Variants in TAFA4 observed in about 807,000 individuals in gnomAD.
TAFA4 encodes chemokine-like protein TAFA-4.
Under a neutral mutation model 21.1 loss-of-function variants are expected in TAFA4, and 20 were observed. The ratio of observed to expected loss-of-function variants is 0.95; its 90% CI spans 0.67 to 1.38. The LOEUF (loss-of-function observed/expected upper bound fraction) is 1.38. Ranked by LOEUF, TAFA4 falls within the 40% of genes most tolerant of loss-of-function variation. TAFA4 has a pLI of 0.00. For missense variants in TAFA4, 211 were observed against 180.9 expected (o/e 1.17, Z -0.95); for synonymous variants, 71 against 67.4 (o/e 1.05, Z -0.26).
At chr3:68,809,086 A>G (rs992513954) in intron 3 of TAFA4, among the ~76,000 whole-genome samples, 1 of 152,230 alleles carries the variant, frequency 6.6e-6, no homozygotes, top group African/African-American at 2.4e-5. Flanking sequence ...TTTTCAAATA[A>G]AATTAAAATC....
At chr3:68,789,681 A>C (rs1228708495) in intron 3 of TAFA4, among the ~76,000 whole-genome samples, 1 of 138,436 alleles carries the variant, frequency 7.2e-6, no homozygotes, top group Non-Finnish European at 1.7e-5. Context: ...CATGATGCTC[A>C]AGAGGGCAAA....
chr3:68,832,169 G>A (rs779389901), intron 3 of TAFA4, among the ~76,000 whole-genome samples: 2 of 152,120 alleles, frequency 1.3e-5, no homozygotes, highest in Non-Finnish European at 2.9e-5. Flanking sequence ...ACCTTCTGAA[G>A]CCTACTTCTG....
In TAFA4 at chr3:68,789,256, C is replaced by A. The variant is rs567896547; in HGVS notation, c.131-36238G>T. ...AAAAAAAAAAAAAAAAATCTTTAATCCATTTGGAGTTGAGTTGATTTTTGT... is the reference window on the plus strand; with the variant it reads ...AAAAAAAAAAAAAAAAATCTTTAATACATTTGGAGTTGAGTTGATTTTTGT... On this transcript the variant is annotated intron_variant, in intron 3 of 5. Transcript: ENST00000295569. 2.0e-5 allele frequency among the ~76,000 whole-genome samples: 3 copies of A among 151,862 alleles called. No individual in the cohort carries two copies. In the East Asian group the frequency reaches 5.8e-4, roughly 30 times the overall value.
intron 1 of TAFA4, among the ~76,000 whole-genome samples, chr3:68,930,876 A>G (rs1341137028): frequency 6.6e-6 from 1 of 152,236 alleles, no homozygotes; most frequent in East Asian, 1.9e-4. Context: ...GAGTGGTAAC[A>G]CTAATTATAT....
intron 1 of TAFA4, among the ~76,000 whole-genome samples, chr3:68,908,854 T>C (rs1347270140): frequency 6.6e-6 from 1 of 152,206 alleles, no homozygotes; most frequent in Non-Finnish European, 1.5e-5. Context: ...TTCAGTTCCA[T>C]TTAATAAGCA....
chr3:68,772,227 GTATTAAGTTCAAATAAAA>G (rs1257952647), intron 3 of TAFA4, among the ~76,000 whole-genome samples: 1 of 152,156 alleles, frequency 6.6e-6, no homozygotes, highest in East Asian at 1.9e-4. Flanking sequence ...TCATTTATGG[GTATTAAGTTCAAATAAAA>G]TATTAAGGCA....
Position 68,845,777 on chromosome 3 carries a change from A to G in TAFA4, c.130+34953T>C, listed in dbSNP as rs1704775359. ...GGATTTCATTTCTCCTTCACTTATG[A>G]AGCTTAGTTTGGCTGGATGTGAAAT... On this transcript the variant is annotated intron_variant, in intron 3 of 5. Coordinates refer to ENST00000295569, the MANE Select transcript of TAFA4 (RefSeq NM_182522.5). Among the ~76,000 whole-genome samples the G allele has an allele frequency of 2.0e-5, 3 of 152,272 alleles. 1 individual carries two copies. The South Asian group carries it at 6.2e-4, about 32-fold the overall frequency.
intron 3 of TAFA4, among the ~76,000 whole-genome samples, chr3:68,767,965 C>T (rs1702887212): frequency 2.0e-5 from 3 of 151,656 alleles, no homozygotes; most frequent in Admixed American, 2.0e-4. Flanking sequence ...AAAATCAAAT[C>T]TTTATTTGCT....
intron 1 of TAFA4, among the ~76,000 whole-genome samples, chr3:68,928,752 G>A (rs2090132630): frequency 6.6e-6 from 1 of 152,086 alleles, no homozygotes; most frequent in Non-Finnish European, 1.5e-5. Context: ...GCCAAGGGAA[G>A]GGGTCCCACC....
At chr3:68,823,588 T>A (rs1174838498) in intron 3 of TAFA4, among the ~76,000 whole-genome samples, 1 of 152,150 alleles carries the variant, frequency 6.6e-6, no homozygotes, top group Non-Finnish European at 1.5e-5. Context: ...ATTTTCCTAA[T>A]GCTATCACTC....
chr3:68,735,356 G>A (rs1397072378), intron 5 of TAFA4, among the ~76,000 whole-genome samples: 1 of 152,116 alleles, frequency 6.6e-6, no homozygotes, highest in Non-Finnish European at 1.5e-5. Context: ...TGGGCAGGGA[G>A]CTTACCTTTG....
chr3:68,774,726 G>A (rs1208208312), intron 3 of TAFA4, among the ~76,000 whole-genome samples: 1 of 152,130 alleles, frequency 6.6e-6, no homozygotes, highest in African/African-American at 2.4e-5. Flanking sequence ...AACTGTAAAT[G>A]CACTATGAGA....
chr3:68,752,864 T>G lies in TAFA4; in HGVS notation c.285A>C (p.Glu95Asp). 6.2e-7 allele frequency: 1 copy of G among 1,614,106 alleles called. No homozygotes were observed. The highest frequency in any genetic ancestry group is 1.7e-5 in the Admixed American group (1 of 60,008). Residue 95 changes from glutamate to aspartate, a missense_variant and splice_region_variant, in exon 4 of 6, where the codon GAA becomes GAC. Physicochemically the swap from Glu to Asp is conservative, Grantham distance 45. Transcript: ENST00000295569. ...AGATGCTGACCAGAGAGGTCTTACC[T>G]TCAACACAAGAAGGTTGAGCCCGAG... ...GTTRAQPSCV[E>D]ASIVIQKWWC...
intron 3 of TAFA4, among the ~76,000 whole-genome samples, chr3:68,821,978 C>T (rs568684587): frequency 2.6e-5 from 4 of 152,160 alleles, no homozygotes; most frequent in Non-Finnish European, 2.9e-5. Context: ...AAATCTCTAC[C>T]GGTATTAATT....
chr3:68,929,653 C>A (rs1003414629), intron 1 of TAFA4, among the ~76,000 whole-genome samples: 1 of 152,190 alleles, frequency 6.6e-6, no homozygotes, highest in African/African-American at 2.4e-5. Flanking sequence ...AGAGCCAGAA[C>A]ACAGGGTGAA....
chr3:68,795,333 C>T (rs1020062695), intron 3 of TAFA4, among the ~76,000 whole-genome samples: 1 of 151,720 alleles, frequency 6.6e-6, no homozygotes, highest in African/African-American at 2.4e-5. Context: ...TCCAATTTCC[C>T]TTTAATAAAA....
At chr3:68,925,423 C>T (rs1042329736) in intron 1 of TAFA4, among the ~76,000 whole-genome samples, 7 of 152,144 alleles carry the variant, frequency 4.6e-5, no homozygotes, top group Non-Finnish European at 7.3e-5. Flanking sequence ...TTGCCCCCAA[C>T]GATACATACA....
intron 3 of TAFA4, among the ~76,000 whole-genome samples, chr3:68,854,377 T>C (rs111991078): frequency 0.016 from 2,374 of 152,118 alleles, 63 homozygotes; most frequent in African/African-American, 0.055. Context: ...ACAGACTTTA[T>C]TCTAAGGACT....
chr3:68,894,443 G>A (rs1163682002), intron 1 of TAFA4, among the ~76,000 whole-genome samples: 8 of 152,234 alleles, frequency 5.3e-5, no homozygotes, highest in East Asian at 1.9e-4. Flanking sequence ...GAGCCACCAC[G>A]CCTGGCCATG....
Sources: gnomAD v4.1 joint callset for allele counts (sites outside exome capture counted in the v4.1 genomes callset) on GRCh38, gnomAD v4.1.1 for gene constraint, MANE v1.5 for transcripts, NCBI Gene and HGNC (gene_info 2026-07-23, HGNC 2026-07-21) for gene names.